CFAP70: variants seen among roughly 807,000 people sequenced by gnomAD.
The protein encoded by CFAP70 is cilia and flagella associated protein 70.
Under a neutral mutation model 137.6 loss-of-function variants are expected in CFAP70, and 81 were observed. That is an observed-to-expected ratio of 0.59 (90% CI 0.49 to 0.71). The LOEUF (loss-of-function observed/expected upper bound fraction) is 0.71. Among genes scored for constraint, CFAP70 ranks in the 30% least tolerant of loss-of-function variants. CFAP70 has a pLI of 0.00. For missense variants in CFAP70, 976 were observed against 1,226.7 expected (o/e 0.80, Z 3.05); for synonymous variants, 382 against 423.6 (o/e 0.90, Z 1.20).
chr10:73,277,202 A>G (rs1365710229), intron 21 of CFAP70, 38 bp downstream of exon 22: 3 of 1,586,590 alleles, frequency 1.9e-6, no homozygotes, highest in Non-Finnish European at 2.6e-6. Flanking sequence ...GTTTGCTAAA[A>G]TCTTTCCATC....
chr10:73,312,562 G>T (rs763349375), exon 10 of CFAP70: 1 of 1,612,132 alleles, frequency 6.2e-7, no homozygotes, highest in Non-Finnish European at 8.5e-7. Context: ...TGTTTGGACA[G>T]CAGAGAATTA....
chr10:73,362,099 C>T (rs182714997), upstream of CFAP70, among the ~76,000 whole-genome samples: 6 of 152,226 alleles, frequency 3.9e-5, no homozygotes, highest in Admixed American at 1.3e-4. Flanking sequence ...CTTACATTTA[C>T]GGTCAACTGA....
intron 12 of CFAP70, among the ~76,000 whole-genome samples, chr10:73,306,111 A>T (rs2049352138): frequency 6.6e-6 from 1 of 152,164 alleles, no homozygotes; most frequent in African/African-American, 2.4e-5. Context: ...GCAAAACTGA[A>T]GATGGAACAA....
intron 7 of CFAP70, 47 bp from the exon 9 acceptor site, chr10:73,331,323 T>G: frequency 6.8e-7 from 1 of 1,474,052 alleles, no homozygotes; most frequent in Non-Finnish European, 9.4e-7. Context: ...AAAAATAAAG[T>G]CAGTATAATT....
intron 14 of CFAP70, among the ~76,000 whole-genome samples, chr10:73,298,355 A>G (rs2048694673): frequency 6.6e-6 from 1 of 152,192 alleles, no homozygotes; most frequent in Non-Finnish European, 1.5e-5. Flanking sequence ...TAAGTTAACT[A>G]TTTCTCAAAT....
intron 25 of CFAP70, among the ~76,000 whole-genome samples, chr10:73,259,703 T>A (rs1223525539): frequency 1.3e-5 from 2 of 152,162 alleles, no homozygotes; most frequent in Non-Finnish European, 2.9e-5. Flanking sequence ...AAGTAGCTGC[T>A]ACAATAAGGA....
chr10:73,309,125 T>G (rs1234975152), intron 12 of CFAP70, among the ~76,000 whole-genome samples: 1 of 152,100 alleles, frequency 6.6e-6, no homozygotes, highest in Non-Finnish European at 1.5e-5. Flanking sequence ...TCAACAAGAT[T>G]GACAAACTTT....
chr10:73,267,602 CATT>C (rs1332080456), intron 25 of CFAP70, among the ~76,000 whole-genome samples: 2 of 152,124 alleles, frequency 1.3e-5, no homozygotes, highest in East Asian at 3.8e-4. Flanking sequence ...AAATGGGGAT[CATT>C]ATTATAAAAA....
At chr10:73,335,409 T>G (rs780389583) in intron 7 of CFAP70, 21 bp downstream of exon 8, 1 of 1,556,688 alleles carries the variant, frequency 6.4e-7, no homozygotes, top group Admixed American at 1.7e-5. Flanking sequence ...GTTAGACATA[T>G]GTCCTTCCTC....
At chr10:73,298,308 A>C (rs763258634) in intron 14 of CFAP70, among the ~76,000 whole-genome samples, 5 of 152,250 alleles carry the variant, frequency 3.3e-5, no homozygotes, top group Non-Finnish European at 7.3e-5. Flanking sequence ...GCAAACATGT[A>C]ATAAATGTTA....
chr10:73,338,932 T>C (rs1026553449), intron 6 of CFAP70, among the ~76,000 whole-genome samples: 1 of 151,494 alleles, frequency 6.6e-6, no homozygotes, highest in Admixed American at 6.6e-5. Context: ...CTTTTTTTTT[T>C]TTTTTGAGAC....
At chr10:73,309,157 G>A (rs2049678030) in intron 12 of CFAP70, among the ~76,000 whole-genome samples, 1 of 152,128 alleles carries the variant, frequency 6.6e-6, no homozygotes, top group Non-Finnish European at 1.5e-5. Flanking sequence ...ACTGAAAAAA[G>A]AGAGAAGACA....
At chr10:73,311,379 G>A (rs2049908184) in intron 11 of CFAP70, among the ~76,000 whole-genome samples, 1 of 152,112 alleles carries the variant, frequency 6.6e-6, no homozygotes, top group Admixed American at 6.5e-5. Flanking sequence ...CCTCCATGAA[G>A]CCTTCCCTTA....
At chr10:73,336,139 CA>C (rs61221361) in intron 6 of CFAP70, among the ~76,000 whole-genome samples, 19,789 of 119,848 alleles carry the variant, frequency 0.17, 1,906 homozygotes, top group East Asian at 0.34. Flanking sequence ...GACCCTGTCT[CA>C]AAAAAAAAAA....
chr10:73,303,444 T>C (rs1440246270), intron 12 of CFAP70, among the ~76,000 whole-genome samples: 1 of 151,680 alleles, frequency 6.6e-6, no homozygotes, highest in Non-Finnish European at 1.5e-5. Flanking sequence ...GGTCTCGATC[T>C]TTTGACCTCG....
intron 19 of CFAP70, among the ~76,000 whole-genome samples, chr10:73,290,155 T>G (rs1273762680): frequency 6.6e-6 from 1 of 152,144 alleles, no homozygotes; most frequent in Non-Finnish European, 1.5e-5. Flanking sequence ...ATGAACTAAT[T>G]GTGGTATATC....
intron 3 of CFAP70, among the ~76,000 whole-genome samples, chr10:73,349,784 AT>A (rs1226475789): frequency 6.6e-6 from 1 of 152,054 alleles, no homozygotes; most frequent in East Asian, 1.9e-4. Flanking sequence ...AAATTTAACA[AT>A]TTTTTTGCTT....
intron 26 of CFAP70, among the ~76,000 whole-genome samples, 163 bp downstream of exon 27, chr10:73,256,206 T>G (rs748078648): frequency 6.6e-6 from 1 of 152,186 alleles, no homozygotes; most frequent in African/African-American, 2.4e-5. Context: ...ATATGTAGGT[T>G]GTTATTACAA....
At chr10:73,262,265 T>C (rs1337794609) in intron 25 of CFAP70, among the ~76,000 whole-genome samples, 1 of 151,958 alleles carries the variant, frequency 6.6e-6, no homozygotes, top group Non-Finnish European at 1.5e-5. Context: ...TGATGAAATC[T>C]TGTGCCATCC....
Sources: allele counts gnomAD v4.1 joint callset (sites outside exome capture counted in the v4.1 genomes callset), GRCh38; gene constraint gnomAD v4.1.1; transcripts MANE v1.5; gene names NCBI Gene and HGNC (gene_info 2026-07-23, HGNC 2026-07-21).